Variants in AKR7A2 observed in about 807,000 individuals in gnomAD.
AKR7A2 encodes the protein aldo-keto reductase family 7 member A2, also known as aflatoxin B1 aldehyde reductase member 2.
In AKR7A2, 29 loss-of-function variants were observed where a neutral mutation model predicts 37.3. The ratio of observed to expected loss-of-function variants is 0.78; its 90% CI spans 0.58 to 1.06. The LOEUF (loss-of-function observed/expected upper bound fraction) is 1.06. Ranked by LOEUF, AKR7A2 falls within the 50% of genes least tolerant of loss-of-function variation. AKR7A2 has a pLI of 0.00. For missense variants in AKR7A2, 529 were observed against 497.9 expected, an observed-to-expected ratio of 1.06 and a Z score of -0.59; for synonymous variants, 228 against 217.8, an observed-to-expected ratio of 1.05 and a Z score of -0.41.
At chr1:19,305,896 T>G in intron 6 of AKR7A2, 122 bp downstream of exon 6, 2 of 1,519,902 alleles carry the variant, frequency 1.3e-6, no homozygotes, top group Non-Finnish European at 1.8e-6. Context: ...AGAGTGCTTA[T>G]GAGAATTGGA....
chr1:19,307,941 G>C (rs1279323212), intron 3 of AKR7A2: 1 of 646,628 alleles, frequency 1.5e-6, no homozygotes, highest in African/African-American at 1.8e-5. Context: ...GGGAAGGAAG[G>C]GTCCAAGGTG....
chr1:19,307,472 C>T (rs1194348745), intron 3 of AKR7A2, 62 bp from the exon 4 acceptor site: 6 of 1,561,072 alleles, frequency 3.8e-6, no homozygotes, highest in Non-Finnish European at 5.3e-6. Flanking sequence ...TGTTGCCTTC[C>T]ACTTTCAAAC....
At chr1:19,311,797 T>A (rs1182340083) in intron 1 of AKR7A2, 30 bp downstream of exon 1, 1 of 1,609,466 alleles carries the variant, frequency 6.2e-7, no homozygotes, top group East Asian at 2.2e-5. Context: ...CTCTACACGA[T>A]GCATGGGGAG....
intron 3 of AKR7A2, chr1:19,307,811 C>T (rs1220129843): frequency 8.0e-6 from 4 of 502,862 alleles, no homozygotes; most frequent in Non-Finnish European, 1.4e-5. Flanking sequence ...AGACTGGAGA[C>T]TCCTATGGGG....
rs769208705 is a variant in AKR7A2, at chr1:19,311,840, A to C, written c.285T>G (p.Gly95=). The change falls in exon 1 of 7, where the codon GGT becomes GGG. Residue 95 remains glycine, a synonymous_variant. Transcript: ENST00000235835. ...ILGGLGLGLG[G]GDCRVKIATK... ...AGCTACTGTTACCTCTGCAGTCGCC[A>C]CCGCCCAGCCCGAGCCCCAGGCCGC... is the stretch of plus-strand genomic sequence containing the variant. 5.6e-6 allele frequency: 9 copies of C among 1,610,108 alleles called. No individual in the cohort carries two copies. The highest frequency in any genetic ancestry group is 2.2e-4 in the Middle Eastern group (1 of 4,500).
Position 19,308,475 on chromosome 1 carries a change from A to G in AKR7A2, c.466T>C (p.Cys156Arg). The G allele has an allele frequency of 6.2e-7, 1 of 1,614,040 alleles. No homozygotes were observed. The highest frequency in any genetic ancestry group is 8.5e-7 in the Non-Finnish European group (1 of 1,180,024). The change falls in exon 2 of 7, where the codon TGC becomes CGC. Residue 156 changes from cysteine (C) to arginine (R), a missense_variant. Coordinates refer to ENST00000235835, the MANE Select transcript of AKR7A2 (RefSeq NM_003689.4). Reference protein sequence around the residue: ...GTPVEETLHACQRLHQEGKFV... With the variant: ...GTPVEETLHARQRLHQEGKFV... ...CTCACCTCCTGGTGCAGCCGCTGGC[A>G]GGCATGCAGCGTCTCTTCCACCGGG...
chr1:19,310,264 G>A (rs917473588), intron 1 of AKR7A2, among the ~76,000 whole-genome samples: 2 of 152,042 alleles, frequency 1.3e-5, no homozygotes, highest in African/African-American at 4.8e-5. Context: ...TCCCCACAAC[G>A]CCCCAGGCAT....
At chr1:19,303,890 TC>T (rs1222534942), downstream of AKR7A2, 1 of 385,014 alleles carries the variant, frequency 2.6e-6, no homozygotes, top group Non-Finnish European at 5.0e-6. Flanking sequence ...CTCTGAAGAC[TC>T]CAGCCCATGG....
Position 19,307,356 on chromosome 1 carries a change from T to C in AKR7A2, c.646A>G (p.Arg216Gly). The C allele has an allele frequency of 6.2e-7, 1 of 1,613,968 alleles. No homozygotes were observed. The highest frequency in any genetic ancestry group is 8.5e-7 in the Non-Finnish European group (1 of 1,179,950). The change falls in exon 4 of 7, where the codon AGG becomes GGG. Residue 216 changes from arginine (R) to glycine (G), a missense_variant. By Grantham distance (125) the Arg-to-Gly change is moderately radical. Transcript: ENST00000235835. ...QVETELFPCL[R>G]HFGLRFYAYN... ...GCATAGAACCTCAGTCCAAAGTGCC[T>C]GAGGCAGGGGAAGAGCTCCGTTTCC...
chr1:19,311,851 C>A lies in AKR7A2; in HGVS notation c.274G>T (p.Gly92Trp). The A allele has an allele frequency of 6.2e-7, 1 of 1,610,500 alleles. No individual in the cohort carries two copies. Among genetic ancestry groups the A allele is most frequent in the South Asian group, 1.1e-5 (1 of 90,982 alleles). Residue 92 changes from glycine to tryptophan, a missense_variant, in exon 1 of 7, where the codon GGG becomes TGG. Transcript: ENST00000235835. ...CCTCTGCAGTCGCCACCGCCCAGCCCGAGCCCCAGGCCGCCCAGGATGGTC... is the reference window on the plus strand; with the variant it reads ...CCTCTGCAGTCGCCACCGCCCAGCCAGAGCCCCAGGCCGCCCAGGATGGTC... ...SETILGGLGL[G>W]LGGGDCRVKI...
chr1:19,311,710 G>A, intron 1 of AKR7A2, 117 bp downstream of exon 1: 1 of 1,332,168 alleles, frequency 7.5e-7, no homozygotes, highest in Admixed American at 2.0e-5. Flanking sequence ...CCTGGGGTGG[G>A]GAGCGAGGGA....
chr1:19,310,767 C>T (rs1301786835), intron 1 of AKR7A2, among the ~76,000 whole-genome samples: 1 of 152,156 alleles, frequency 6.6e-6, no homozygotes, highest in Admixed American at 6.5e-5. Context: ...CCCCCCGACC[C>T]CCCAAGCGCT....
rs777722858 is a variant in AKR7A2, at chr1:19,307,123, C to G, written c.689-22G>C. The stretch of plus-strand genomic sequence containing the variant: ...CCCCCTGCGGGAAGGCAGCAATCAG[C>G]CCCTGGCCCCAGAGTGCCCCAGAAG... On this transcript the variant is annotated intron_variant, in intron 4 of 6. Transcript: ENST00000235835. The G allele has an allele frequency of 8.1e-6, 13 of 1,613,322 alleles. No homozygotes were observed. In the South Asian group the frequency reaches 1.3e-4, roughly 16 times the overall value.
rs2231202 is a variant in AKR7A2 at position 19,307,037 on chromosome 1, G to C, written c.753C>G (p.Phe251Leu). ...DKDGKQPVGR[F>L]FGNSWAETYR... Reference sequence around the variant, plus strand: ...AGGTCTCAGCCCAGCTATTCCCAAAGAAGCGGCCCACAGGCTGTTTCCCGT... The same window carrying C: ...AGGTCTCAGCCCAGCTATTCCCAAACAAGCGGCCCACAGGCTGTTTCCCGT... The change falls in exon 5 of 7, where the codon TTC (phenylalanine) becomes TTG (leucine). Residue 251 changes from phenylalanine to leucine, a missense_variant. Phe to Leu is a conservative substitution (Grantham distance 22). Coordinates refer to ENST00000235835, the MANE Select transcript of AKR7A2 (RefSeq NM_003689.4). 1 of 1,614,080 alleles carries C rather than the reference G, an allele frequency of 6.2e-7. No individual in the cohort carries two copies. Among genetic ancestry groups the C allele is most frequent in the East Asian group, 2.2e-5 (1 of 44,866 alleles).
Position 19,312,000 on chromosome 1 carries a change from AG to A in AKR7A2, c.124del (p.Leu42TrpfsTer59), listed in dbSNP as rs1353059745. On this transcript the variant is annotated frameshift_variant, in exon 1 of 7. Coordinates refer to ENST00000235835, the MANE Select transcript of AKR7A2 (RefSeq NM_003689.4). LOFTEE classifies it high-confidence loss of function. Reference protein sequence around the residue: ...RPPPPRVASVLGTMEMGRRMD... With the variant: ...RPPPPRVASVXGTMEMGRRMD... The stretch of plus-strand genomic sequence containing the variant: ...GCGGCGCCCCATCTCCATGGTGCCC[AG>A]CACCGAGGCGACCCGCGGTGGCGGT... 1.4e-5 allele frequency: 21 copies of A among 1,487,904 alleles called. No individual in the cohort carries two copies. Among genetic ancestry groups the A allele is most frequent in the Non-Finnish European group, 1.9e-5 (21 of 1,122,818 alleles). The allele number at this position is 1,487,904 out of a possible 1,614,324, so 92.2% of individuals were successfully genotyped here. A position where few individuals can be genotyped will look rare whatever the true frequency, so the allele number is the denominator to read the frequency against.
intron 1 of AKR7A2, among the ~76,000 whole-genome samples, chr1:19,311,598 G>A (rs2093775742): frequency 6.6e-6 from 1 of 152,014 alleles, no homozygotes; most frequent in Admixed American, 6.6e-5. Flanking sequence ...AGGCTGGGGG[G>A]AGACTCTCGC....
chr1:19,311,942 G>A lies in AKR7A2; in HGVS notation c.183C>T (p.Arg61=), dbSNP rs761720764. 1.3e-6 allele frequency: 2 copies of A among 1,597,710 alleles called. No individual in the cohort carries two copies. The highest frequency in any genetic ancestry group is 1.3e-5 in the African/African-American group (1 of 74,630). ...MDAPASAAAV[R]AFLERGHTEL... ...CGGTGTGGCCGCGCTCCAGAAAGGC[G>A]CGCACGGCCGCGGCGCTGGCGGGCG... The change falls in exon 1 of 7, where the codon CGC becomes CGT. Residue 61 remains arginine, a synonymous_variant. Coordinates refer to ENST00000235835, the MANE Select transcript of AKR7A2 (RefSeq NM_003689.4).
In AKR7A2 at chr1:19,308,108, G is replaced by A. The variant is rs766178149; in HGVS notation, c.591+50C>T. ...CAGTCAGGGGGGCAAAGAGAGCCCA[G>A]GATTAGCAGGAGTCCTGGAGACCTT... On this transcript the variant is annotated intron_variant, in intron 3 of 6. Coordinates refer to ENST00000235835, the MANE Select transcript of AKR7A2 (RefSeq NM_003689.4). The A allele has an allele frequency of 2.5e-6, 4 of 1,611,468 alleles. No individual in the cohort carries two copies. In the African/African-American group the frequency reaches 5.3e-5, roughly 22 times the overall value.
intron 1 of AKR7A2, among the ~76,000 whole-genome samples, chr1:19,310,761 C>CG (rs2093771948): frequency 6.7e-6 from 1 of 148,224 alleles, no homozygotes; most frequent in Admixed American, 6.9e-5. Context: ...TCTTTTCCCC[C>CG]CGACCCCCCA....
Sources: gnomAD v4.1 joint callset for allele counts (sites outside exome capture counted in the v4.1 genomes callset) on GRCh38, gnomAD v4.1.1 for gene constraint, MANE v1.5 for transcripts, NCBI Gene and HGNC (gene_info 2026-07-23, HGNC 2026-07-21) for gene names.